IQSEC1: variants seen among roughly 807,000 people sequenced by gnomAD.
IQSEC1 encodes IQ motif and SEC7 domain-containing protein 1.
IQSEC1 carries 31 observed loss-of-function variants against 91.0 expected under a neutral mutation model. The observed-to-expected ratio is 0.34, with a 90% CI of 0.26 to 0.46. The LOEUF (loss-of-function observed/expected upper bound fraction) is 0.46. Ranked by LOEUF, IQSEC1 falls within the 20% of genes least tolerant of loss-of-function variation. The pLI is 1.00. For missense variants in IQSEC1, 1,388 were observed against 1,575.6 expected (o/e 0.88, Z 2.02); for synonymous variants, 699 against 662.6 (o/e 1.05, Z -0.84).
At chr3:13,057,752 C>T (rs1455537341) in intron 1 of IQSEC1, among the ~76,000 whole-genome samples, 2 of 152,236 alleles carry the variant, frequency 1.3e-5, no homozygotes, top group Non-Finnish European at 2.9e-5. Flanking sequence ...CTCCAATGCT[C>T]CTCCATCCTG....
chr3:13,104,959 G>A (rs1281380424), intron 2 of IQSEC1, among the ~76,000 whole-genome samples: 3 of 152,216 alleles, frequency 2.0e-5, no homozygotes, highest in South Asian at 4.1e-4. Flanking sequence ...GAAGCCCAGT[G>A]TTTAACCTGA....
chr3:13,192,977 G>A (rs1257206882), intron 1 of IQSEC1, among the ~76,000 whole-genome samples: 3 of 152,210 alleles, frequency 2.0e-5, no homozygotes, highest in Non-Finnish European at 2.9e-5. Context: ...CAGGACCTCT[G>A]TTCCCAGTGA....
rs536321954 is a variant in IQSEC1, at chr3:12,903,582, G to A, written c.2756-760C>T. On this transcript the variant is annotated intron_variant, in intron 12 of 13. Coordinates refer to ENST00000613206, the MANE Select transcript of IQSEC1 (RefSeq NM_001134382.3). ...AGCGCAGAGCACACAGTAGGCACTC[G>A]GCATGCGGGGTCCGTCAGAGCAAGG... Among the ~76,000 whole-genome samples, 8 of 152,334 alleles carry A rather than the reference G, an allele frequency of 5.3e-5. No individual in the cohort carries two copies. The East Asian group carries it at 5.8e-4, about 11-fold the overall frequency.
rs951494993 is a variant in IQSEC1 at position 12,900,390 on chromosome 3, G to A, written c.*593C>T. The A allele has an allele frequency of 8.1e-6, 8 of 984,454 alleles. No homozygotes were observed. Among genetic ancestry groups the A allele is most frequent in the Non-Finnish European group, 9.6e-6 (8 of 829,762 alleles). 61.0% of individuals were successfully genotyped at this position (984,454 alleles called of 1,614,324 possible). ...ATTAGGTAAGTGGAGCTCCTTGTAA[G>A]GTGGGTATTGCTAATGTGGACTGAA... On this transcript the variant is annotated 3_prime_UTR_variant, in exon 14 of 14. Transcript: ENST00000613206.
chr3:13,273,742 C>G (rs1695626571), intron 1 of IQSEC1, among the ~76,000 whole-genome samples: 1 of 152,154 alleles, frequency 6.6e-6, no homozygotes, highest in Non-Finnish European at 1.5e-5. Context: ...TCACTTCCTC[C>G]TCTGCTCAAC....
intron 1 of IQSEC1, among the ~76,000 whole-genome samples, chr3:12,993,028 G>A (rs2125635005): frequency 6.6e-6 from 1 of 152,246 alleles, no homozygotes; most frequent in African/African-American, 2.4e-5. Flanking sequence ...GCCCAGGAGT[G>A]TCTCATCCTC....
At chr3:13,090,915 C>T (rs1361389523) in intron 2 of IQSEC1, among the ~76,000 whole-genome samples, 1 of 152,172 alleles carries the variant, frequency 6.6e-6, no homozygotes, top group East Asian at 1.9e-4. Context: ...GACCAAAAGC[C>T]CTGTGCGGAA....
intron 1 of IQSEC1, among the ~76,000 whole-genome samples, chr3:13,173,301 C>T (rs149495766): frequency 9.0e-4 from 137 of 152,354 alleles, no homozygotes; most frequent in Non-Finnish European, 1.7e-3. Flanking sequence ...CTCTGAGTCT[C>T]GTGTCCCCTC....
At chr3:13,093,214 A>G (rs571389259) in intron 2 of IQSEC1, among the ~76,000 whole-genome samples, 3 of 114,786 alleles carry the variant, frequency 2.6e-5, no homozygotes, top group African/African-American at 1.1e-4. Context: ...AAATAAACAA[A>G]CTCACTTATA....
chr3:12,948,078 G>A (rs1476258337), intron 1 of IQSEC1, among the ~76,000 whole-genome samples: 1 of 152,252 alleles, frequency 6.6e-6, no homozygotes, highest in Admixed American at 6.5e-5. Context: ...CCAGCTGTGT[G>A]ACCACAGGAG....
At chr3:13,086,329 T>C (rs1484286047) in intron 2 of IQSEC1, among the ~76,000 whole-genome samples, 1 of 152,170 alleles carries the variant, frequency 6.6e-6, no homozygotes, top group African/African-American at 2.4e-5. Context: ...ACATGCTCAG[T>C]GAGGGCTGCT....
At chr3:13,125,357 T>C (rs561935973) in intron 2 of IQSEC1, among the ~76,000 whole-genome samples, 9 of 152,226 alleles carry the variant, frequency 5.9e-5, no homozygotes, top group African/African-American at 2.2e-4. Flanking sequence ...GGTGAGGCCC[T>C]CCAGCTGCTC....
chr3:13,032,864 C>A (rs11920083), intron 1 of IQSEC1, among the ~76,000 whole-genome samples: 2 of 151,910 alleles, frequency 1.3e-5, no homozygotes, highest in South Asian at 4.1e-4. Flanking sequence ...GATTACAGGC[C>A]TTAAAAATAT....
rs779875195 is a variant in IQSEC1 at position 12,908,500 on chromosome 3, G to A, written c.2604C>T (p.Val868=). The A allele has an allele frequency of 3.6e-5, 58 of 1,613,522 alleles. No homozygotes were observed. The highest frequency in any genetic ancestry group is 4.2e-5 in the Non-Finnish European group (50 of 1,180,040). Residue 868 remains valine (V), a synonymous_variant, in exon 12 of 14, where the codon GTC becomes GTT. Coordinates refer to ENST00000613206, the MANE Select transcript of IQSEC1 (RefSeq NM_001134382.3). The surrounding 1 kb of genome is among the most constrained non-coding windows in gnomAD (Gnocchi z 4.9). ...IESELEKQKG[V]VRPSMSQCSS... is the part of the protein sequence containing the mutation. ...AGCACTGGGACATGCTGGGCCGCAC[G>A]ACGCCTTTCTGCTTCTCGAGCTCCG...
intron 1 of IQSEC1, among the ~76,000 whole-genome samples, chr3:13,253,613 A>C (rs1435189680): frequency 6.6e-6 from 1 of 152,252 alleles, no homozygotes; most frequent in Non-Finnish European, 1.5e-5. Flanking sequence ...GGTAGTCAGC[A>C]TTTGATTTCT....
At chr3:13,078,098 G>A (rs923726886), upstream of IQSEC1, among the ~76,000 whole-genome samples, 18 of 152,190 alleles carry the variant, frequency 1.2e-4, no homozygotes, top group Non-Finnish European at 1.6e-4. Context: ...CACGCTGCAC[G>A]GGGCCACGCT....
At chr3:13,090,885 C>T (rs925920915) in intron 2 of IQSEC1, among the ~76,000 whole-genome samples, 1 of 152,162 alleles carries the variant, frequency 6.6e-6, no homozygotes, top group African/African-American at 2.4e-5. Flanking sequence ...GAATGGAACC[C>T]GGGTATCCAC....
At position 12,955,570 on chromosome 3, in the gene IQSEC1, C is replaced by T. The variant is rs568463038; in HGVS notation, c.24-13705G>A. Among the ~76,000 whole-genome samples the T allele has an allele frequency of 1.1e-3, 167 of 152,330 alleles. 2 individuals are homozygous for T. The highest frequency in any genetic ancestry group is 1.1e-3 in the Non-Finnish European group (74 of 68,018). ...TGCCACAGAGGGGCCCCAATCTGCC[C>T]GAGGATCTCACCCCACATGCTGGGG... On this transcript the variant is annotated intron_variant, in intron 1 of 13. Coordinates refer to ENST00000613206, the MANE Select transcript of IQSEC1 (RefSeq NM_001134382.3).
chr3:13,100,511 C>T (rs1426078153), intron 2 of IQSEC1, among the ~76,000 whole-genome samples: 4 of 148,764 alleles, frequency 2.7e-5, no homozygotes, highest in Non-Finnish European at 4.5e-5. Context: ...TTCCTGAACA[C>T]CTCCTTGAGC....
Sources: allele counts gnomAD v4.1 joint callset (sites outside exome capture counted in the v4.1 genomes callset), GRCh38; gene constraint gnomAD v4.1.1; non-coding constraint Gnocchi (gnomAD v3.1); transcripts MANE v1.5; gene names NCBI Gene and HGNC (gene_info 2026-07-23, HGNC 2026-07-21).